Variants in IL1RAPL1 observed in about 807,000 individuals in gnomAD.
IL1RAPL1 encodes the protein interleukin-1 receptor accessory protein-like 1.
Under a neutral mutation model 48.4 loss-of-function variants are expected in IL1RAPL1, and 3 were observed. That is an observed-to-expected ratio of 0.06 (90% CI 0.03 to 0.16). IL1RAPL1 has a LOEUF of 0.16. Ranked by LOEUF, IL1RAPL1 falls within the 10% of genes least tolerant of loss-of-function variation. The pLI is 1.00. For missense variants in IL1RAPL1, 349 were observed against 530.6 expected, an observed-to-expected ratio of 0.66 and a Z score of 3.36; for synonymous variants, 185 against 187.7, an observed-to-expected ratio of 0.99 and a Z score of 0.12.
At chrX:29,206,466 G>T (rs976714094) in intron 2 of IL1RAPL1, among the ~76,000 whole-genome samples, 15 of 111,352 alleles carry the variant, frequency 1.3e-4, no homozygotes, top group Non-Finnish European at 2.4e-4. Flanking sequence ...AGTTTAGGAA[G>T]ACAATTACAT....
intron 2 of IL1RAPL1, among the ~76,000 whole-genome samples, chrX:29,073,756 A>G (rs975354826): frequency 9.0e-6 from 1 of 111,341 alleles, no homozygotes; most frequent in South Asian, 3.8e-4. Flanking sequence ...TCTTTTCTTC[A>G]TATTTATCTT....
At chrX:29,825,172 A>G (rs1286917678) in intron 6 of IL1RAPL1, among the ~76,000 whole-genome samples, 1 of 110,827 alleles carries the variant, frequency 9.0e-6, no homozygotes, top group Non-Finnish European at 1.9e-5. Context: ...AGGACTATCA[A>G]CATTAGTGAG....
chrX:29,486,109 G>A (rs781707059), intron 5 of IL1RAPL1, among the ~76,000 whole-genome samples: 3 of 110,907 alleles, frequency 2.7e-5, no homozygotes, highest in Non-Finnish European at 3.8e-5. Context: ...ACTCTTTCTC[G>A]GGATTGACAT....
intron 6 of IL1RAPL1, among the ~76,000 whole-genome samples, chrX:29,872,149 G>C (rs1365706400): frequency 8.9e-6 from 1 of 111,797 alleles, no homozygotes; most frequent in Middle Eastern, 4.2e-3. Flanking sequence ...CTATCCGTTG[G>C]GTCTATCAGA....
intron 6 of IL1RAPL1, among the ~76,000 whole-genome samples, chrX:29,800,332 C>T (rs962408068): frequency 2.7e-5 from 3 of 111,009 alleles, no homozygotes; most frequent in Non-Finnish European, 5.7e-5. Flanking sequence ...CCCCATAATT[C>T]CTTCCTTATC....
Position 28,598,449 on chromosome X carries a change from C to A in IL1RAPL1, c.-25+10402C>A, listed in dbSNP as rs747376152. ...TGTAGTAAGCTGGAAAATAGCCAAA[C>A]GTTGAAGACAAAATGAGAAAAAATG... On this transcript the variant is annotated intron_variant, in intron 1 of 10. Coordinates refer to ENST00000378993, the MANE Select transcript of IL1RAPL1 (RefSeq NM_014271.4). Among the ~76,000 whole-genome samples, 10 of 110,705 alleles carry A rather than the reference C, an allele frequency of 9.0e-5. No individual in the cohort carries two copies. The East Asian group carries it at 2.9e-3, about 32-fold the overall frequency.
chrX:28,864,954 C>A (rs900016897), intron 2 of IL1RAPL1, among the ~76,000 whole-genome samples: 2 of 111,399 alleles, frequency 1.8e-5, no homozygotes, highest in African/African-American at 6.5e-5. Context: ...ACTAAAGTGG[C>A]AGCAGTGACA....
intron 1 of IL1RAPL1, among the ~76,000 whole-genome samples, chrX:28,720,770 G>T (rs1441406533): frequency 9.0e-6 from 1 of 110,825 alleles, no homozygotes; most frequent in Non-Finnish European, 1.9e-5. Flanking sequence ...CCCACCACAG[G>T]CCCTGGTGTG....
chrX:29,784,299 T>G (rs1929437790), intron 6 of IL1RAPL1, among the ~76,000 whole-genome samples: 1 of 111,700 alleles, frequency 9.0e-6, no homozygotes, highest in African/African-American at 3.3e-5. Flanking sequence ...CCCTATGTGT[T>G]TAACTCTACT....
chrX:29,336,112 A>G (rs1932989599), intron 3 of IL1RAPL1, among the ~76,000 whole-genome samples: 1 of 104,519 alleles, frequency 9.6e-6, no homozygotes, highest in Non-Finnish European at 1.9e-5. Context: ...ATATACATAA[A>G]TATACATATA....
chrX:29,599,347 C>A, intron 5 of IL1RAPL1, among the ~76,000 whole-genome samples: 1 of 111,809 alleles, frequency 8.9e-6, no homozygotes, highest in Admixed American at 9.5e-5. Flanking sequence ...AAAATCGGAC[C>A]CCAATACTTG....
At chrX:29,504,551 C>T (rs1488427594) in intron 5 of IL1RAPL1, among the ~76,000 whole-genome samples, 2 of 111,892 alleles carry the variant, frequency 1.8e-5, no homozygotes, top group Non-Finnish European at 3.8e-5. Context: ...TTGTTCCATT[C>T]TCTTGCTGAA....
At chrX:28,740,341 G>A (rs1935892216) in intron 1 of IL1RAPL1, among the ~76,000 whole-genome samples, 1 of 111,856 alleles carries the variant, frequency 8.9e-6, no homozygotes, top group African/African-American at 3.2e-5. Context: ...GCAGAAGTTA[G>A]AATTAGCAGA....
chrX:29,874,492 AT>A (rs1432070970), intron 6 of IL1RAPL1, among the ~76,000 whole-genome samples: 1 of 111,667 alleles, frequency 9.0e-6, no homozygotes, highest in African/African-American at 3.3e-5. Flanking sequence ...GAACTTCCAG[AT>A]TTTCTCCTGC....
intron 1 of IL1RAPL1, among the ~76,000 whole-genome samples, chrX:28,762,823 C>CACACACACACACACAG (rs1268556014): frequency 7.3e-4 from 27 of 36,770 alleles, no homozygotes; most frequent in African/African-American, 2.0e-3. Context: ...CACACACACA[C>CACACACACACACACAG]AGAGAGAGAG....
At chrX:29,166,179 G>A (rs920040860) in intron 2 of IL1RAPL1, among the ~76,000 whole-genome samples, 34 of 112,104 alleles carry the variant, frequency 3.0e-4, no homozygotes, top group African/African-American at 1.1e-3. Flanking sequence ...GCTGGAAGAC[G>A]GTCAGATGTA....
chrX:28,696,974 G>A (rs1935239244), intron 1 of IL1RAPL1, among the ~76,000 whole-genome samples: 1 of 111,800 alleles, frequency 8.9e-6, no homozygotes, highest in Non-Finnish European at 1.9e-5. Context: ...ATTGGGTAAA[G>A]AAGATGAGTC....
intron 2 of IL1RAPL1, among the ~76,000 whole-genome samples, chrX:28,962,766 A>G: frequency 9.0e-6 from 1 of 111,056 alleles, no homozygotes; most frequent in Non-Finnish European, 1.9e-5. Context: ...GATTATATAC[A>G]AATACTACAA....
chrX:29,638,095 A>G (rs1285188663), intron 5 of IL1RAPL1, among the ~76,000 whole-genome samples: 1 of 110,937 alleles, frequency 9.0e-6, no homozygotes, highest in Non-Finnish European at 1.9e-5. Flanking sequence ...TAGCTTGGTG[A>G]TCAAAGGGAA....
Sources: allele counts gnomAD v4.1 joint callset (sites outside exome capture counted in the v4.1 genomes callset), GRCh38; gene constraint gnomAD v4.1.1; transcripts MANE v1.5; gene names NCBI Gene and HGNC (gene_info 2026-07-23, HGNC 2026-07-21).